The following NWD2 variants were observed in gnomAD, a reference collection of about 807,000 sequenced individuals.
NWD2 encodes NACHT and WD repeat domain containing 2.
Under a neutral mutation model 132.7 loss-of-function variants are expected in NWD2, and 37 were observed. The ratio of observed to expected loss-of-function variants is 0.28; its 90% CI spans 0.21 to 0.37. NWD2 has a LOEUF of 0.37. NWD2 is among the 10% of genes least tolerant of loss of function. The pLI is 1.00. For missense variants in NWD2, 1,592 were observed against 2,122.4 expected, an observed-to-expected ratio of 0.75 and a Z score of 4.91; for synonymous variants, 705 against 803.0, an observed-to-expected ratio of 0.88 and a Z score of 2.06.
At chr4:37,325,502 T>G (rs2109287570) in intron 1 of NWD2, among the ~76,000 whole-genome samples, 1 of 152,214 alleles carries the variant, frequency 6.6e-6, no homozygotes, top group African/African-American at 2.4e-5. Context: ...GGGATGTTTT[T>G]GGAAATCAAT....
At chr4:37,277,583 T>A (rs1035893534) in intron 1 of NWD2, among the ~76,000 whole-genome samples, 4 of 151,664 alleles carry the variant, frequency 2.6e-5, no homozygotes, top group Admixed American at 6.6e-5. Context: ...ACTCTAAATT[T>A]AAAAAAAAAT....
At chr4:37,413,128 A>C (rs1721196229) in intron 3 of NWD2, among the ~76,000 whole-genome samples, 1 of 152,232 alleles carries the variant, frequency 6.6e-6, no homozygotes, top group Admixed American at 6.5e-5. Context: ...AATGGGATCT[A>C]ATGAAACTAA....
At chr4:37,267,713 G>A (rs549322640) in intron 1 of NWD2, among the ~76,000 whole-genome samples, 2 of 151,980 alleles carry the variant, frequency 1.3e-5, no homozygotes, top group African/African-American at 4.8e-5. Flanking sequence ...AAAATAAAAT[G>A]TGAGTACTTA....
At chr4:37,389,917 A>T (rs1039270866) in intron 3 of NWD2, among the ~76,000 whole-genome samples, 3 of 151,928 alleles carry the variant, frequency 2.0e-5, no homozygotes, top group African/African-American at 7.3e-5. Flanking sequence ...AGTAGCTGGG[A>T]TTACAGTCCC....
chr4:37,269,316 C>A (rs1212297824), intron 1 of NWD2, among the ~76,000 whole-genome samples: 1 of 151,698 alleles, frequency 6.6e-6, no homozygotes, highest in East Asian at 1.9e-4. Flanking sequence ...AATTAGGGAG[C>A]AATGCAAAAC....
intron 2 of NWD2, among the ~76,000 whole-genome samples, chr4:37,354,472 C>T (rs1331982794): frequency 6.6e-6 from 1 of 152,178 alleles, no homozygotes; most frequent in Non-Finnish European, 1.5e-5. Flanking sequence ...GGCACTCTGT[C>T]CCAGGGAGGT....
chr4:37,445,704 T>A lies in NWD2; in HGVS notation c.3716T>A (p.Leu1239Gln). 1.3e-6 allele frequency: 2 copies of A among 1,551,964 alleles called. No homozygotes were observed. The change falls in exon 7 of 7, where the codon CTG (leucine) becomes CAG (glutamine). Residue 1239 changes from leucine (L) to glutamine (Q), a missense_variant. Around this residue, in one of 7 missense-constraint regions of NWD2, gnomAD observed 1,071 missense variants for 1,398.0 expected, o/e 0.77. Coordinates refer to ENST00000309447, the MANE Select transcript of NWD2 (RefSeq NM_001144990.2). The surrounding 1 kb of genome is among the most constrained non-coding windows in gnomAD (Gnocchi z 4.7). ...AACGAACGCTTTATATCTGCCGTGC[T>A]GTCTAAAAATGGAGATTGTATCATC... ...KHNERFISAV[L>Q]SKNGDCIIAT...
intron 1 of NWD2, among the ~76,000 whole-genome samples, chr4:37,309,026 A>G (rs1343782818): frequency 6.6e-6 from 1 of 152,210 alleles, no homozygotes; most frequent in Non-Finnish European, 1.5e-5. Flanking sequence ...GGGGGATTGC[A>G]TGAGAGAGCA....
chr4:37,446,076 G>A lies in NWD2; in HGVS notation c.4088G>A (p.Cys1363Tyr), dbSNP rs1159024509. The A allele has an allele frequency of 6.4e-7, 1 of 1,551,796 alleles. No homozygotes were observed. The highest frequency in any genetic ancestry group is 8.7e-7 in the Non-Finnish European group (1 of 1,146,976). Residue 1363 changes from cysteine to tyrosine, a missense_variant, in exon 7 of 7, where the codon TGT (cysteine) becomes TAT (tyrosine). Physicochemically the swap from Cys to Tyr is radical, Grantham distance 194. Transcript: ENST00000309447. The surrounding 1 kb of genome is among the most constrained non-coding windows in gnomAD (Gnocchi z 6.7). ...AAGCATGAAGGAATAGTTGAACACT[G>A]TGTGTTAACATCCACCGGAGATATA... is the stretch of plus-strand genomic sequence containing the variant. ...VFKHEGIVEH[C>Y]VLTSTGDIMV...
At chr4:37,306,638 ATTG>A (rs1329497262) in intron 1 of NWD2, among the ~76,000 whole-genome samples, 2 of 151,984 alleles carry the variant, frequency 1.3e-5, no homozygotes, top group Non-Finnish European at 2.9e-5. Context: ...CTAGTTATAT[ATTG>A]TTGTAGTATG....
intron 1 of NWD2, among the ~76,000 whole-genome samples, chr4:37,278,499 A>T (rs1241843205): frequency 1.3e-5 from 2 of 152,206 alleles, no homozygotes; most frequent in Non-Finnish European, 2.9e-5. Flanking sequence ...ACTGGACAAC[A>T]GCAATTGTGA....
chr4:37,354,959 T>G (rs766790792), intron 2 of NWD2, among the ~76,000 whole-genome samples: 1 of 152,178 alleles, frequency 6.6e-6, no homozygotes, highest in Non-Finnish European at 1.5e-5. Flanking sequence ...TAGCCCTATT[T>G]ATTCATTTAT....
intron 1 of NWD2, among the ~76,000 whole-genome samples, chr4:37,322,906 A>G (rs1719097408): frequency 6.6e-6 from 1 of 152,184 alleles, no homozygotes; most frequent in Non-Finnish European, 1.5e-5. Context: ...GGACTTTAAC[A>G]TCACTTAGTC....
At chr4:37,266,914 C>A (rs1379280383) in intron 1 of NWD2, among the ~76,000 whole-genome samples, 1 of 151,962 alleles carries the variant, frequency 6.6e-6, no homozygotes, top group Non-Finnish European at 1.5e-5. Context: ...CAAAAGATAT[C>A]TCGAGGCAGC....
chr4:37,273,365 C>G, intron 1 of NWD2, among the ~76,000 whole-genome samples: 1 of 152,012 alleles, frequency 6.6e-6, no homozygotes, highest in East Asian at 1.9e-4. Flanking sequence ...GGGATCAATT[C>G]AACAAGAAGA....
chr4:37,288,787 G>A (rs1560386006), intron 1 of NWD2, among the ~76,000 whole-genome samples: 2 of 152,156 alleles, frequency 1.3e-5, no homozygotes, highest in Admixed American at 6.6e-5. Context: ...ATAGATCTGA[G>A]TTTGGGGGTA....
At chr4:37,325,566 G>C (rs1297050255) in intron 1 of NWD2, among the ~76,000 whole-genome samples, 1 of 152,158 alleles carries the variant, frequency 6.6e-6, no homozygotes, top group Non-Finnish European at 1.5e-5. Context: ...CTTGTATTTT[G>C]TGGAGCTAAA....
chr4:37,277,651 TG>T (rs1319691721), intron 1 of NWD2, among the ~76,000 whole-genome samples: 3 of 152,126 alleles, frequency 2.0e-5, no homozygotes, highest in Admixed American at 2.0e-4. Context: ...TTCTAAAAAA[TG>T]GTTTCCTTTT....
At chr4:37,393,196 T>TGGGG (rs3064360) in intron 3 of NWD2, among the ~76,000 whole-genome samples, 1 of 151,740 alleles carries the variant, frequency 6.6e-6, no homozygotes, top group Admixed American at 6.6e-5. Context: ...ATCCGGGGGT[T>TGGGG]GGGGGGAGAC....
Sources: gnomAD v4.1 joint callset for allele counts (sites outside exome capture counted in the v4.1 genomes callset) on GRCh38, gnomAD v4.1.1 for gene constraint, gnomAD v4.1.1 regional missense constraint, Gnocchi (gnomAD v3.1) non-coding constraint, MANE v1.5 for transcripts, NCBI Gene and HGNC (gene_info 2026-07-23, HGNC 2026-07-21) for gene names.